Variants in BIRC6 observed in about 807,000 individuals in gnomAD.
BIRC6 encodes the protein baculoviral IAP repeat containing 6, also known as dual E2 ubiquitin-conjugating enzyme/E3 ubiquitin-protein ligase BIRC6.
A neutral mutation model predicts 503.3 loss-of-function variants in BIRC6; 98 were observed. The ratio of observed to expected loss-of-function variants is 0.19; its 90% confidence interval spans 0.17 to 0.23. The LOEUF is 0.23. Ranked by LOEUF, BIRC6 falls within the 10% of genes least tolerant of loss-of-function variation. The pLI is 1.00. For synonymous variants in BIRC6, 2,240 were observed against 2,078.7 expected (o/e 1.08, Z -2.11); for missense variants, 5,360 against 5,806.0 (o/e 0.92, Z 2.50).
chr2:32,388,629 A>G (rs1286835664), intron 3 of BIRC6, 121 bp from the exon 4 acceptor site: 1 of 704,382 alleles, frequency 1.4e-6, no homozygotes, highest in African/African-American at 1.8e-5. Context: ...TAAATGATAA[A>G]CTAATGAAGA....
chr2:32,436,018 G>A (rs1229385786), intron 14 of BIRC6, 35 bp from the exon 15 acceptor site: 3 of 1,233,376 alleles, frequency 2.4e-6, no homozygotes, highest in Non-Finnish European at 3.2e-6. Flanking sequence ...TTAAATGAAT[G>A]AATTTAAAAG....
chr2:32,613,760 A>T (rs1368403258), intron 73 of BIRC6, among the ~76,000 whole-genome samples: 7 of 152,072 alleles, frequency 4.6e-5, no homozygotes, highest in Non-Finnish European at 2.9e-5. Context: ...TTTGTACTAT[A>T]CTTTTCATCT....
At chr2:32,425,883 C>T (rs1415359045) in intron 10 of BIRC6, among the ~76,000 whole-genome samples, 20 of 152,242 alleles carry the variant, frequency 1.3e-4, no homozygotes, top group Non-Finnish European at 1.5e-5. Context: ...CGCCCTGGCA[C>T]CAGCCAGCTG....
intron 29 of BIRC6, among the ~76,000 whole-genome samples, chr2:32,469,154 C>G (rs2048867223): frequency 6.6e-6 from 1 of 152,194 alleles, no homozygotes; most frequent in African/African-American, 2.4e-5. Flanking sequence ...CATTCACTGA[C>G]ACAGCCATCT....
chr2:32,430,788 C>A, intron 11 of BIRC6, 77 bp from the exon 12 acceptor site: 3 of 1,069,528 alleles, frequency 2.8e-6, no homozygotes, highest in South Asian at 1.5e-5. Context: ...TGAATTAAAA[C>A]TTCACTTCAT....
rs2048707570 is a variant in BIRC6, at chr2:32,467,745, G to A, written c.5571+6G>A. 3.1e-6 allele frequency: 5 copies of A among 1,605,304 alleles called. No homozygotes were observed. The South Asian group carries it at 4.5e-5, about 14-fold the overall frequency. On this transcript the variant is annotated splice_donor_region_variant and intron_variant, in intron 27 of 73. Transcript: ENST00000421745. ...CCGTGTGCAGATTCATGAAGGTAAAGAACTTTAAGAAAGTAAATTGATACG... is the reference window on the plus strand; with the variant it reads ...CCGTGTGCAGATTCATGAAGGTAAAAAACTTTAAGAAAGTAAATTGATACG...
At chr2:32,437,011 T>C (rs1316922672) in intron 15 of BIRC6, among the ~76,000 whole-genome samples, 2 of 151,380 alleles carry the variant, frequency 1.3e-5, no homozygotes, top group Non-Finnish European at 2.9e-5. Context: ...GCCTTAGCCT[T>C]CTGAGTAGCT....
intron 65 of BIRC6, among the ~76,000 whole-genome samples, chr2:32,551,446 C>A (rs1482705923): frequency 6.6e-6 from 1 of 152,024 alleles, no homozygotes; most frequent in African/African-American, 2.4e-5. Flanking sequence ...GCATGCCCGG[C>A]TAATTTTTGT....
At chr2:32,455,616 G>C (rs546762622) in intron 23 of BIRC6, among the ~76,000 whole-genome samples, 1 of 152,244 alleles carries the variant, frequency 6.6e-6, no homozygotes, top group South Asian at 2.1e-4. Flanking sequence ...GACAGAGTGA[G>C]ACTCCGTCTC....
In BIRC6 at chr2:32,611,533, G is replaced by T; in HGVS notation, c.14345G>T (p.Ser4782Ile). The T allele has an allele frequency of 6.2e-7, 1 of 1,605,768 alleles. No homozygotes were observed. ...EWIADIQQYS[S>I]DKRVGRTMSH... ...ATTGCGGATATCCAGCAGTACAGCA[G>T]TGATAAGCGGGTAGGCAGGACTATG... Residue 4782 changes from serine to isoleucine, a missense_variant, in exon 73 of 74, where the codon AGT (serine) becomes ATT (isoleucine). This residue lies in a region of BIRC6 where 140 missense variants were observed against 130.2 expected (regional missense o/e 1.07). Coordinates refer to ENST00000421745, the MANE Select transcript of BIRC6 (RefSeq NM_016252.4).
intron 44 of BIRC6, 73 bp downstream of exon 44, chr2:32,491,631 C>T: frequency 1.4e-6 from 2 of 1,452,570 alleles, no homozygotes; most frequent in Non-Finnish European, 1.9e-6. Flanking sequence ...AGCTATGTAA[C>T]TTTTTTATTG....
At chr2:32,461,786 C>T (rs1648412421) in intron 23 of BIRC6, among the ~76,000 whole-genome samples, 1 of 151,698 alleles carries the variant, frequency 6.6e-6, no homozygotes, top group South Asian at 2.1e-4. Flanking sequence ...GAGCAAATTA[C>T]TTCCCTCAGC....
rs543609241 is a variant in BIRC6, at chr2:32,485,900, C to T, written c.7813+141C>T. The T allele has an allele frequency of 1.7e-4, 95 of 574,610 alleles. No individual in the cohort carries two copies. The African/African-American group carries it at 1.7e-3, about 10-fold the overall frequency. 35.6% of individuals were successfully genotyped at this position (574,610 alleles called of 1,614,324 possible). ...TTAGTATGTAGCACTTTCCTGGCTC[C>T]GAGTTAGTAGCAAGTTGAAAACTAA... On this transcript the variant is annotated intron_variant, in intron 40 of 73. Transcript: ENST00000421745.
intron 9 of BIRC6, among the ~76,000 whole-genome samples, chr2:32,408,377 T>TG (rs1383377311): frequency 6.6e-6 from 1 of 152,202 alleles, no homozygotes; most frequent in Non-Finnish European, 1.5e-5. Context: ...CCCAAAGTGC[T>TG]GGGATTACAG....
Position 32,453,887 on chromosome 2 carries a change from G to A in BIRC6, c.4698G>A (p.Leu1566=), listed in dbSNP as rs768974914. 20 of 1,613,420 alleles carry A rather than the reference G, an allele frequency of 1.2e-5. No homozygotes were observed. Among genetic ancestry groups the A allele is most frequent in the Non-Finnish European group, 1.7e-5 (20 of 1,179,536 alleles). The change falls in exon 23 of 74, where the codon CTG becomes CTA. Residue 1566 remains leucine (L), a synonymous_variant. Transcript: ENST00000421745. ...SLTGLLEVEP[L]HFTCVSTSDG... ...CTGGACTTTTGGAAGTTGAACCTCT[G>A]CACTTTACTTGTGTGTCAACTAGTG...
intron 66 of BIRC6, among the ~76,000 whole-genome samples, chr2:32,581,628 A>T (rs2060681827): frequency 6.6e-6 from 1 of 152,242 alleles, no homozygotes; most frequent in Non-Finnish European, 1.5e-5. Context: ...CAGTGTAAAC[A>T]TGAGTGAACC....
chr2:32,382,026 A>G (rs181732727), intron 3 of BIRC6, among the ~76,000 whole-genome samples: 1 of 152,322 alleles, frequency 6.6e-6, no homozygotes, highest in East Asian at 1.9e-4. Context: ...ATGAGTTTCA[A>G]CAGAGATAAT....
At chr2:32,590,112 A>G (rs779840328) in intron 66 of BIRC6, among the ~76,000 whole-genome samples, 8 of 152,172 alleles carry the variant, frequency 5.3e-5, no homozygotes, top group Non-Finnish European at 1.2e-4. Flanking sequence ...CATTTCAAGA[A>G]TTATTTTTGT....
intron 11 of BIRC6, among the ~76,000 whole-genome samples, chr2:32,430,598 A>T (rs1406667226): frequency 5.9e-5 from 9 of 152,070 alleles, no homozygotes; most frequent in Non-Finnish European, 1.3e-4. Context: ...CTTTTCTAAC[A>T]GGTTGGGTTT....
Sources: gnomAD v4.1 joint callset for allele counts (sites outside exome capture counted in the v4.1 genomes callset) on GRCh38, gnomAD v4.1.1 for gene constraint, gnomAD v4.1.1 regional missense constraint, MANE v1.5 for transcripts, NCBI Gene and HGNC (gene_info 2026-07-23, HGNC 2026-07-21) for gene names.